Variants in MAPKAPK5 observed in about 807,000 individuals in gnomAD.
MAPKAPK5 encodes MAP kinase-activated protein kinase 5.
In MAPKAPK5, 30 loss-of-function variants were observed where a neutral mutation model predicts 65.1. The ratio of observed to expected loss-of-function variants is 0.46; its 90% confidence interval spans 0.34 to 0.63. The LOEUF (loss-of-function observed/expected upper bound fraction) is 0.63, where lower values mean the gene tolerates loss of function less well. Ranked by LOEUF, MAPKAPK5 falls within the 20% of genes least tolerant of loss-of-function variation. The probability of loss-of-function intolerance (pLI) is 0.01; values close to 1 mark genes in which losing one functional copy is unlikely to be tolerated. For synonymous variants in MAPKAPK5, 179 were observed against 204.6 expected (o/e 0.87, Z 1.07); for missense variants, 433 against 581.4 (o/e 0.74, Z 2.63).
intron 1 of MAPKAPK5, among the ~76,000 whole-genome samples, chr12:111,844,684 G>A (rs2068851222): frequency 6.6e-6 from 1 of 152,220 alleles, no homozygotes; most frequent in African/African-American, 2.4e-5. Context: ...AGAGGGTGGG[G>A]TTACTGCTAG....
chr12:111,887,946 C>G (rs1372860993), intron 10 of MAPKAPK5: 1 of 153,666 alleles, frequency 6.5e-6, no homozygotes, highest in Non-Finnish European at 1.4e-5. Context: ...TTCGTCTGCC[C>G]GTAGTGAGAT....
chr12:111,855,891 T>C (rs1286066869), intron 1 of MAPKAPK5, among the ~76,000 whole-genome samples: 1 of 151,458 alleles, frequency 6.6e-6, no homozygotes, highest in South Asian at 2.1e-4. Context: ...GTTTCGCTCT[T>C]GTTGCCCAGG....
chr12:111,851,023 C>G (rs60661425), intron 1 of MAPKAPK5, among the ~76,000 whole-genome samples: 29 of 151,658 alleles, frequency 1.9e-4, no homozygotes, highest in African/African-American at 6.8e-4. Flanking sequence ...CTCAGCCTCC[C>G]GAGTAGCTGG....
chr12:111,855,403 A>G (rs918709477), intron 1 of MAPKAPK5, among the ~76,000 whole-genome samples: 3 of 152,178 alleles, frequency 2.0e-5, no homozygotes, highest in Non-Finnish European at 2.9e-5. Flanking sequence ...ATTTACAGCT[A>G]TAAATTTCTG....
At chr12:111,867,871 A>G (rs2069663444) in intron 4 of MAPKAPK5, among the ~76,000 whole-genome samples, 1 of 152,174 alleles carries the variant, frequency 6.6e-6, no homozygotes, top group African/African-American at 2.4e-5. Context: ...AGAATTATGT[A>G]ATGAATCCTC....
intron 10 of MAPKAPK5, among the ~76,000 whole-genome samples, chr12:111,887,396 G>A (rs1181321951): frequency 6.6e-6 from 1 of 152,206 alleles, no homozygotes; most frequent in Non-Finnish European, 1.5e-5. Context: ...ATAAGGCCAG[G>A]CATGGTGGCT....
intron 2 of MAPKAPK5, among the ~76,000 whole-genome samples, chr12:111,865,834 C>CAAAA (rs1157723498): frequency 3.5e-5 from 2 of 57,396 alleles, no homozygotes; most frequent in Admixed American, 1.7e-4. Flanking sequence ...GATTCTGTCT[C>CAAAA]AAAAAAAAAA....
intron 1 of MAPKAPK5, among the ~76,000 whole-genome samples, chr12:111,855,067 C>T (rs899061040): frequency 3.9e-5 from 6 of 151,964 alleles, no homozygotes; most frequent in African/African-American, 1.5e-4. Context: ...GGCATAAAGT[C>T]GTTCATGGTT....
chr12:111,870,144 C>G, intron 5 of MAPKAPK5, 127 bp from the exon 6 acceptor site: 2 of 502,382 alleles, frequency 4.0e-6, no homozygotes, highest in Non-Finnish European at 7.1e-6. Flanking sequence ...TTAATTTCTG[C>G]TTTAAAATTG....
Position 111,885,994 on chromosome 12 carries a change from C to T in MAPKAPK5, c.927C>T (p.Ala309=), listed in dbSNP as rs750371586. Residue 309 remains alanine, a synonymous_variant, in exon 10 of 14, where the codon GCC becomes GCT. Coordinates refer to ENST00000550735, the MANE Select transcript of MAPKAPK5 (RefSeq NM_003668.4). ...ACCCCTGGCTCAATTCCACCGAGGCCCTGGATAATGTGCTGCCTTCTGCTC... is the reference window on the plus strand; with the variant it reads ...ACCCCTGGCTCAATTCCACCGAGGCTCTGGATAATGTGCTGCCTTCTGCTC... The part of the protein sequence containing the change: ...LDHPWLNSTE[A]LDNVLPSAQL... 1.2e-6 allele frequency: 2 copies of T among 1,613,904 alleles called. No individual in the cohort carries two copies. Among genetic ancestry groups the T allele is most frequent in the East Asian group, 2.2e-5 (1 of 44,888 alleles).
At chr12:111,880,654 A>C in intron 8 of MAPKAPK5, 127 bp downstream of exon 8, 1 of 745,414 alleles carries the variant, frequency 1.3e-6, no homozygotes, top group South Asian at 1.7e-5. Context: ...CCAAAGAAGC[A>C]GCCAGACTCG....
intron 7 of MAPKAPK5, among the ~76,000 whole-genome samples, chr12:111,871,579 G>T (rs534986491): frequency 2.2e-4 from 34 of 152,252 alleles, no homozygotes; most frequent in African/African-American, 8.2e-4. Context: ...GGAAGTGGAG[G>T]TTGCAAGGAG....
intron 1 of MAPKAPK5, among the ~76,000 whole-genome samples, chr12:111,857,854 T>TA (rs976236703): frequency 1.3e-5 from 2 of 152,112 alleles, no homozygotes; most frequent in African/African-American, 2.4e-5. Context: ...CCTTCGTACT[T>TA]ACATTATTTT....
intron 7 of MAPKAPK5, among the ~76,000 whole-genome samples, chr12:111,878,002 CTTT>C (rs35586161): frequency 3.6e-5 from 5 of 140,456 alleles, no homozygotes; most frequent in African/African-American, 1.3e-4. Flanking sequence ...GACTCTGACT[CTTT>C]TTTTTTTTTT....
At chr12:111,861,647 A>C (rs1016003058) in intron 1 of MAPKAPK5, among the ~76,000 whole-genome samples, 2 of 152,188 alleles carry the variant, frequency 1.3e-5, no homozygotes, top group Admixed American at 1.3e-4. Flanking sequence ...GCTTTAAAAA[A>C]ATCTTCTCAG....
At chr12:111,850,529 G>A (rs2069046751) in intron 1 of MAPKAPK5, among the ~76,000 whole-genome samples, 1 of 152,206 alleles carries the variant, frequency 6.6e-6, no homozygotes, top group African/African-American at 2.4e-5. Context: ...TTAAAAAAAT[G>A]TCAGGGTAAC....
intron 13 of MAPKAPK5, 127 bp from the exon 14 acceptor site, chr12:111,892,840 G>A (rs1488670396): frequency 1.8e-6 from 1 of 562,584 alleles, no homozygotes; most frequent in East Asian, 3.1e-5. Flanking sequence ...GATCAGTGGT[G>A]GGGGTGGTTC....
At chr12:111,846,576 G>A (rs7306566) in intron 1 of MAPKAPK5, among the ~76,000 whole-genome samples, 29,478 of 150,578 alleles carry the variant, frequency 0.2, 3,094 homozygotes, top group Middle Eastern at 0.27. Flanking sequence ...GCTCACTGCA[G>A]CCTCTGCCTC....
chr12:111,866,422 T>C (rs1324786261), intron 3 of MAPKAPK5, among the ~76,000 whole-genome samples, 191 bp downstream of exon 3: 1 of 152,224 alleles, frequency 6.6e-6, no homozygotes, highest in Non-Finnish European at 1.5e-5. Flanking sequence ...GGCCATTGAG[T>C]CATTTCCTTT....
Sources: allele counts gnomAD v4.1 joint callset (sites outside exome capture counted in the v4.1 genomes callset), GRCh38; gene constraint gnomAD v4.1.1; transcripts MANE v1.5; gene names NCBI Gene and HGNC (gene_info 2026-07-23, HGNC 2026-07-21).